MCMBP: variants seen among roughly 807,000 people sequenced by gnomAD.
The protein encoded by MCMBP is mini-chromosome maintenance complex-binding protein.
A neutral mutation model predicts 81.3 loss-of-function variants in MCMBP; 31 were observed. The observed-to-expected ratio is 0.38, with a 90% confidence interval of 0.29 to 0.51. The LOEUF is 0.51. Ranked by LOEUF, MCMBP falls within the 20% of genes least tolerant of loss-of-function variation. MCMBP has a pLI of 0.87. For missense variants in MCMBP, 645 were observed against 772.1 expected (o/e 0.84, Z 1.95); for synonymous variants, 267 against 275.9 (o/e 0.97, Z 0.32).
chr10:119,859,792 A>G lies in MCMBP; in HGVS notation c.144+7T>C. 6.2e-7 allele frequency: 1 copy of G among 1,604,442 alleles called. No individual in the cohort carries two copies. The highest frequency in any genetic ancestry group is 2.2e-5 in the East Asian group (1 of 44,758). ...ACCCTCTCCCTCGAAAATAGCAATA[A>G]GCTTACCCACTTAGGAGCATTATTT... is the stretch of plus-strand genomic sequence containing the variant. On this transcript the variant is annotated splice_region_variant and intron_variant, in intron 2 of 15. Transcript: ENST00000369077.
intron 1 of MCMBP, among the ~76,000 whole-genome samples, chr10:119,866,085 A>C (rs1430764974): frequency 6.9e-6 from 1 of 143,992 alleles, no homozygotes; most frequent in African/African-American, 2.6e-5. Flanking sequence ...GCCAGGCTCT[A>C]TCTCTTAAAA....
At position 119,831,531 on chromosome 10, in the gene MCMBP, C is replaced by T. The variant is rs1852035324; in HGVS notation, c.1866G>A (p.Glu622=). ...RERWLRAKQL[E]SLRRTRLQQQ... Reference sequence around the variant, plus strand: ...GCTGAAGCCTCGTTCTTCTTAAAGACTCTAGCTGCTTTGCTCTCAGCCATC... The same window carrying T: ...GCTGAAGCCTCGTTCTTCTTAAAGATTCTAGCTGCTTTGCTCTCAGCCATC... The change falls in exon 16 of 16, where the codon GAG becomes GAA. Residue 622 remains glutamate, a synonymous_variant. Coordinates refer to ENST00000369077, the MANE Select transcript of MCMBP (RefSeq NM_001256378.2). 1.2e-6 allele frequency: 2 copies of T among 1,614,070 alleles called. No individual in the cohort carries two copies. Among genetic ancestry groups the T allele is most frequent in the African/African-American group, 1.3e-5 (1 of 75,046 alleles).
At position 119,853,067 on chromosome 10, in the gene MCMBP, G is replaced by A; in HGVS notation, c.557C>T (p.Ala186Val). The A allele has an allele frequency of 6.2e-7, 1 of 1,614,072 alleles. No individual in the cohort carries two copies. Among genetic ancestry groups the A allele is most frequent in the Non-Finnish European group, 8.5e-7 (1 of 1,179,954 alleles). Reference sequence around the variant, plus strand: ...CACACTACCTGCTTGTCTGGCACCTGCATGTTGGTCTTTCTGCTTATTGGG... The same window carrying A: ...CACACTACCTGCTTGTCTGGCACCTACATGTTGGTCTTTCTGCTTATTGGG... Reference protein sequence around the residue: ...LQPNKQKDQHAGARQAGSVGG... With the variant: ...LQPNKQKDQHVGARQAGSVGG... The change falls in exon 6 of 16, where the codon GCA becomes GTA. Residue 186 changes from alanine to valine, a missense_variant. Physicochemically the swap from Ala to Val is moderately conservative, Grantham distance 64. Coordinates refer to ENST00000369077, the MANE Select transcript of MCMBP (RefSeq NM_001256378.2).
At position 119,872,756 on chromosome 10, in the gene MCMBP, G is replaced by A. The variant is rs957408901; in HGVS notation, c.-172C>T. 4.1e-5 allele frequency: 8 copies of A among 193,996 alleles called. No individual in the cohort carries two copies. Among genetic ancestry groups the A allele is most frequent in the Non-Finnish European group, 6.0e-5 (6 of 99,470 alleles). The allele number at this position is 193,996 out of a possible 1,614,324, so 12.0% of individuals were successfully genotyped here. ...GGGGCGCGGGCCTCCCGCGCCTCAGGGAGCGGCGGCTGCGGTGGGGCCGCC... is the reference window on the plus strand; with the variant it reads ...GGGGCGCGGGCCTCCCGCGCCTCAGAGAGCGGCGGCTGCGGTGGGGCCGCC... On this transcript the variant is annotated 5_prime_UTR_variant, in exon 1 of 16. Transcript: ENST00000369077.
At chr10:119,869,679 C>T (rs550776718) in intron 1 of MCMBP, among the ~76,000 whole-genome samples, 137 of 151,880 alleles carry the variant, frequency 9.0e-4, no homozygotes, top group Non-Finnish European at 1.7e-3. Flanking sequence ...TGCAGTGAGC[C>T]GAGATCACAC....
intron 14 of MCMBP, among the ~76,000 whole-genome samples, chr10:119,833,431 C>T (rs535893860): frequency 3.3e-4 from 50 of 151,060 alleles, no homozygotes; most frequent in Non-Finnish European, 5.6e-4. Flanking sequence ...CTACTTGAAG[C>T]CAGGAGTTGA....
At chr10:119,850,477 C>G (rs1220317812) in intron 6 of MCMBP, among the ~76,000 whole-genome samples, 1 of 152,120 alleles carries the variant, frequency 6.6e-6, no homozygotes, top group African/African-American at 2.4e-5. Context: ...AGGCCAGGTG[C>G]AGTGGCTCAA....
rs762944004 is a variant in MCMBP at position 119,838,751 on chromosome 10, A to G, written c.1243-51T>C. 105 of 1,485,308 alleles carry G rather than the reference A, an allele frequency of 7.1e-5. No homozygotes were observed. In the East Asian group the frequency reaches 2.4e-3, roughly 34 times the overall value. The allele number at this position is 1,485,308 out of a possible 1,614,324, so 92.0% of individuals were successfully genotyped here. A position where few individuals can be genotyped will look rare whatever the true frequency, so the allele number is the denominator to read the frequency against. On this transcript the variant is annotated intron_variant, in intron 11 of 15. Transcript: ENST00000369077. ...CAAGAATTTAAGTTTCCCTGTTTTA[A>G]GAAAATATGTACTTGGAATTAAACA... is the stretch of plus-strand genomic sequence containing the variant.
At chr10:119,845,690 C>T (rs1852593600) in intron 8 of MCMBP, among the ~76,000 whole-genome samples, 1 of 152,134 alleles carries the variant, frequency 6.6e-6, no homozygotes, top group Non-Finnish European at 1.5e-5. Flanking sequence ...TGGAACATAG[C>T]TCTGACTACA....
chr10:119,861,437 G>C (rs886448208), intron 1 of MCMBP, among the ~76,000 whole-genome samples: 1 of 152,012 alleles, frequency 6.6e-6, no homozygotes, highest in Non-Finnish European at 1.5e-5. Context: ...CTTAGGGGTG[G>C]GGCCTAGCAA....
intron 8 of MCMBP, among the ~76,000 whole-genome samples, chr10:119,845,164 C>A (rs922040903): frequency 1.3e-5 from 2 of 152,148 alleles, no homozygotes; most frequent in African/African-American, 4.8e-5. Context: ...CCAAGATGAA[C>A]AATCTCATAT....
intron 1 of MCMBP, among the ~76,000 whole-genome samples, chr10:119,869,570 T>C (rs1853593200): frequency 1.7e-5 from 1 of 58,838 alleles, no homozygotes. Flanking sequence ...AGACTCAGTC[T>C]CAAAAAAAAA....
Position 119,843,261 on chromosome 10 carries a change from G to A in MCMBP, c.993C>T (p.Ser331=). 6.2e-7 allele frequency: 1 copy of A among 1,613,554 alleles called. No individual in the cohort carries two copies. The highest frequency in any genetic ancestry group is 8.5e-7 in the Non-Finnish European group (1 of 1,179,672). The stretch of plus-strand genomic sequence containing the variant: ...TGTAACACTTACACTTACAGGTTTT[G>A]CTCTCCTCTTTGTTAAGGCAGGCAG... The part of the protein sequence containing the change: ...LLPACLNKEE[S]KTFVSSFMSE... The change falls in exon 9 of 16, where the codon AGC becomes AGT. Residue 331 remains serine, a synonymous_variant. Coordinates refer to ENST00000369077, the MANE Select transcript of MCMBP (RefSeq NM_001256378.2).
In MCMBP at chr10:119,847,607, A is replaced by G; in HGVS notation, c.827+6T>C. 1.3e-6 allele frequency: 2 copies of G among 1,546,552 alleles called. No homozygotes were observed. Among genetic ancestry groups the G allele is most frequent in the East Asian group, 2.3e-5 (1 of 44,264 alleles). On this transcript the variant is annotated splice_donor_region_variant and intron_variant, in intron 8 of 15. Transcript: ENST00000369077. Reference sequence around the variant, plus strand: ...AGGAGACCAAAAAAAGAGCACACAGACTCACCTTTCATCATTATTCAGTAT... The same window carrying G: ...AGGAGACCAAAAAAAGAGCACACAGGCTCACCTTTCATCATTATTCAGTAT...
chr10:119,865,746 G>C (rs75198657), intron 1 of MCMBP, among the ~76,000 whole-genome samples: 2,173 of 152,068 alleles, frequency 0.014, 43 homozygotes, highest in African/African-American at 0.048. Flanking sequence ...ACAAAATGCA[G>C]TATAGACATA....
At chr10:119,839,551 C>G (rs1271607021) in intron 11 of MCMBP, among the ~76,000 whole-genome samples, 2 of 152,130 alleles carry the variant, frequency 1.3e-5, no homozygotes, top group East Asian at 3.9e-4. Flanking sequence ...TACCTAAACT[C>G]TGTGAGGGCA....
At chr10:119,843,469 T>C in intron 8 of MCMBP, 43 bp from the exon 9 acceptor site, 1 of 1,570,858 alleles carries the variant, frequency 6.4e-7, no homozygotes, top group Admixed American at 1.8e-5. Flanking sequence ...AGACATCAAT[T>C]GCACAGATGC....
At chr10:119,859,740 A>G (rs1554904806) in intron 2 of MCMBP, 59 bp downstream of exon 2, 1 of 1,102,818 alleles carries the variant, frequency 9.1e-7, no homozygotes, top group Non-Finnish European at 1.3e-6. Context: ...TAGTTACTCT[A>G]CTAAGAGAAA....
rs889665133 is a variant in MCMBP, at chr10:119,830,119, A to G, written c.*1355T>C. 1.3e-5 allele frequency: 2 copies of G among 152,660 alleles called. No homozygotes were observed. Among genetic ancestry groups the G allele is most frequent in the Admixed American group, 6.5e-5 (1 of 15,286 alleles). The allele number at this position is 152,660 out of a possible 1,614,324, so 9.5% of individuals were successfully genotyped here. A position where few individuals can be genotyped will look rare whatever the true frequency, so the allele number is the denominator to read the frequency against. ...TGAGTTTAGGAAAAGTTGAACAACT[A>G]GTTATTTTTACTTCAGTTATTAGGT... On this transcript the variant is annotated 3_prime_UTR_variant, in exon 16 of 16. Coordinates refer to ENST00000369077, the MANE Select transcript of MCMBP (RefSeq NM_001256378.2).
Sources: gnomAD v4.1 joint callset for allele counts (sites outside exome capture counted in the v4.1 genomes callset) on GRCh38, gnomAD v4.1.1 for gene constraint, MANE v1.5 for transcripts, NCBI Gene and HGNC (gene_info 2026-07-23, HGNC 2026-07-21) for gene names.